GRHL1: variants seen among roughly 807,000 people sequenced by gnomAD.
GRHL1 encodes the protein grainyhead like transcription factor 1.
GRHL1 carries 38 observed loss-of-function variants against 75.7 expected under a neutral mutation model. The observed-to-expected ratio is 0.50, with a 90% CI of 0.39 to 0.66. The LOEUF is 0.66. Ranked by LOEUF, GRHL1 falls within the 30% of genes least tolerant of loss-of-function variation. The probability of loss-of-function intolerance (pLI) is 0.00; values close to 1 mark genes in which losing one functional copy is unlikely to be tolerated. For synonymous variants in GRHL1, 266 were observed against 279.4 expected (o/e 0.95, Z 0.48); for missense variants, 589 against 767.5 (o/e 0.77, Z 2.75).
chr2:9,957,251 A>C (rs1214436719), intron 2 of GRHL1, among the ~76,000 whole-genome samples: 6 of 151,874 alleles, frequency 4.0e-5, no homozygotes. Context: ...TTAGCCTCCC[A>C]AAGTATTAGG....
rs752155021 is a variant in GRHL1, at chr2:9,986,264, C to T, written c.1251C>T (p.Ile417=). ...CTGTGCACCGGGCCTACTGCCAGAT[C>T]AAGGTCTTCTGTGACAAGGTAAGAT... ...NKPVHRAYCQ[I]KVFCDKGAER... is the part of the protein sequence containing the mutation. The change falls in exon 9 of 16, where the codon ATC becomes ATT. Residue 417 remains isoleucine, a synonymous_variant. Transcript: ENST00000324907. 6.2e-7 allele frequency: 1 copy of T among 1,613,436 alleles called. No homozygotes were observed. The highest frequency in any genetic ancestry group is 1.1e-5 in the South Asian group (1 of 91,002).
At chr2:9,960,469 G>A in intron 3 of GRHL1, 1 of 151,658 alleles carries the variant, frequency 6.6e-6, no homozygotes, top group East Asian at 1.9e-4. Flanking sequence ...AAAAAAAAAA[G>A]GAGAAAGCCA....
chr2:9,961,317 G>T lies in GRHL1; in HGVS notation c.550G>T (p.Val184Leu). Residue 184 changes from valine to leucine, a missense_variant, in exon 4 of 16, where the codon GTG (valine) becomes TTG (leucine). Val to Leu is a conservative substitution (Grantham distance 32, BLOSUM62 1). Around this residue, in one of 5 missense-constraint regions of GRHL1, gnomAD observed 362 missense variants for 461.8 expected, o/e 0.78. Transcript: ENST00000324907. ...VYHPEPTERV[V>L]VFDRNLNTDQ... is the part of the protein sequence containing the mutation. ...TCATCCTGAGCCCACTGAGCGGGTG[G>T]TGGTTTTCGATCGGAATCTCAATAC... The T allele has an allele frequency of 6.2e-7, 1 of 1,614,210 alleles. No homozygotes were observed. Among genetic ancestry groups the T allele is most frequent in the East Asian group, 2.2e-5 (1 of 44,878 alleles).
Position 9,951,826 on chromosome 2 carries a change from C to A in GRHL1, c.-8C>A. On this transcript the variant is annotated 5_prime_UTR_variant, in exon 1 of 16. Transcript: ENST00000324907. This position sits in a 1 kb window ranked among gnomAD's most constrained non-coding sequence, Gnocchi z 4.2. The stretch of plus-strand genomic sequence containing the variant: ...AGTTCTGCGGCCCGGCAGCGGCGAG[C>A]GGGCGCGATGACACAGGAGTACGAC... The A allele has an allele frequency of 6.6e-7, 1 of 1,525,342 alleles. No homozygotes were observed. The highest frequency in any genetic ancestry group is 8.8e-7 in the Non-Finnish European group (1 of 1,134,738). 94.5% of individuals were successfully genotyped at this position (1,525,342 alleles called of 1,614,324 possible).
At chr2:9,962,855 T>G (rs1368449691) in intron 5 of GRHL1, among the ~76,000 whole-genome samples, 1 of 152,096 alleles carries the variant, frequency 6.6e-6, no homozygotes, top group Non-Finnish European at 1.5e-5. Flanking sequence ...TTGCCAAATA[T>G]ATATAATTAG....
At chr2:10,000,504 A>G in intron 15 of GRHL1, 89 bp from the exon 16 acceptor site, 1 of 695,204 alleles carries the variant, frequency 1.4e-6, no homozygotes, top group Non-Finnish European at 2.6e-6. Context: ...TGCTGCAACT[A>G]GTAAGTGGGA....
chr2:9,998,671 C>CACAT (rs1553307107), intron 14 of GRHL1, among the ~76,000 whole-genome samples: 1 of 58,924 alleles, frequency 1.7e-5, no homozygotes, highest in East Asian at 4.0e-4. Context: ...TATATGTACA[C>CACAT]ATATATATAC....
intron 8 of GRHL1, among the ~76,000 whole-genome samples, chr2:9,975,757 G>C (rs767957280): frequency 6.6e-6 from 1 of 151,792 alleles, no homozygotes; most frequent in Non-Finnish European, 1.5e-5. Context: ...GTGGTGATGC[G>C]TGCCTGTAAT....
At chr2:9,986,772 T>C (rs1668436374) in intron 9 of GRHL1, among the ~76,000 whole-genome samples, 1 of 152,096 alleles carries the variant, frequency 6.6e-6, no homozygotes, top group Non-Finnish European at 1.5e-5. Context: ...AGTGGTGCAA[T>C]CACTGCTCAC....
In GRHL1 at chr2:9,963,998, G is replaced by A. The variant is rs757358139; in HGVS notation, c.859G>A (p.Val287Met). 22 of 1,613,862 alleles carry A rather than the reference G, an allele frequency of 1.4e-5. No homozygotes were observed. The highest frequency in any genetic ancestry group is 1.9e-5 in the Non-Finnish European group (22 of 1,179,810). The change falls in exon 6 of 16, where the codon GTG becomes ATG. Residue 287 changes from valine to methionine, a missense_variant. Coordinates refer to ENST00000324907, the MANE Select transcript of GRHL1 (RefSeq NM_198182.3). ...GTTCTATCCCATCACCTTGAAGGAG[G>A]TGAGCAGCAGTGAAGGAATCCATCA... ...GQFYPITLKE[V>M]SSSEGIHHPI...
chr2:9,994,999 C>T (rs1245684264), intron 12 of GRHL1, among the ~76,000 whole-genome samples: 1 of 152,146 alleles, frequency 6.6e-6, no homozygotes, highest in African/African-American at 2.4e-5. Flanking sequence ...CTTGACCACA[C>T]ACTTTGGGTA....
intron 8 of GRHL1, among the ~76,000 whole-genome samples, chr2:9,970,701 A>G (rs564788185): frequency 6.6e-6 from 1 of 152,282 alleles, no homozygotes; most frequent in South Asian, 2.1e-4. Context: ...ACAAAATCAG[A>G]GCGCCTTGTT....
At chr2:9,960,455 T>TA (rs35454772) in intron 3 of GRHL1, 150 of 137,702 alleles carry the variant, frequency 1.1e-3, no homozygotes, top group African/African-American at 2.6e-3. Context: ...AATAAAAAAT[T>TA]AAAAAAAAAA....
chr2:9,987,302 T>C lies in GRHL1; in HGVS notation c.1269+1020T>C, dbSNP rs1369066419. Among the ~76,000 whole-genome samples the C allele has an allele frequency of 6.6e-6, 1 of 152,252 alleles. No individual in the cohort carries two copies. The highest frequency in any genetic ancestry group is 1.5e-5 in the Non-Finnish European group (1 of 68,052). On this transcript the variant is annotated intron_variant, in intron 9 of 15. Coordinates refer to ENST00000324907, the MANE Select transcript of GRHL1 (RefSeq NM_198182.3). The surrounding 1 kb of genome is among the most constrained non-coding windows in gnomAD (Gnocchi z 4.2). The stretch of plus-strand genomic sequence containing the variant: ...ATAGCTTTTAATTATTGTTTTGGCC[T>C]TGCAAAGACACATTATGTAGAGATT...
At position 9,958,835 on chromosome 2, in the gene GRHL1, C is replaced by T. The variant is rs1667149960; in HGVS notation, c.257C>T (p.Pro86Leu). The T allele has an allele frequency of 6.2e-7, 1 of 1,613,752 alleles. No individual in the cohort carries two copies. Among genetic ancestry groups the T allele is most frequent in the South Asian group, 1.1e-5 (1 of 91,066 alleles). ...SSTAKPEVEH[P>L]EPDHSKRNSI... ...ACAGCAAAGCCAGAGGTGGAGCACC[C>T]TGAGCCAGATCACAGCAAAAGGTAA... The change falls in exon 3 of 16, where the codon CCT becomes CTT. Residue 86 changes from proline (P) to leucine (L), a missense_variant. Coordinates refer to ENST00000324907, the MANE Select transcript of GRHL1 (RefSeq NM_198182.3).
At chr2:9,974,187 G>T (rs1667850111) in intron 8 of GRHL1, among the ~76,000 whole-genome samples, 1 of 152,198 alleles carries the variant, frequency 6.6e-6, no homozygotes, top group African/African-American at 2.4e-5. Flanking sequence ...GTTTAACTGT[G>T]TGTCTTTTGC....
At chr2:9,976,511 T>C (rs1356119436) in intron 8 of GRHL1, among the ~76,000 whole-genome samples, 1 of 152,024 alleles carries the variant, frequency 6.6e-6, no homozygotes, top group African/African-American at 2.4e-5. Context: ...TGAGGCTGTG[T>C]AATGTTGTGA....
intron 1 of GRHL1, among the ~76,000 whole-genome samples, chr2:9,954,397 A>G (rs73913932): frequency 0.1 from 15,488 of 152,196 alleles, 1,038 homozygotes; most frequent in African/African-American, 0.19. Context: ...GATTGCGTGA[A>G]GGATCCCTTT....
At chr2:9,996,202 A>G in intron 13 of GRHL1, 114 bp from the exon 14 acceptor site, 1 of 784,652 alleles carries the variant, frequency 1.3e-6, no homozygotes, top group Non-Finnish European at 2.2e-6. Flanking sequence ...CTTGATGTGA[A>G]TGTGGTTTTT....
Sources: allele counts gnomAD v4.1 joint callset (sites outside exome capture counted in the v4.1 genomes callset), GRCh38; gene constraint gnomAD v4.1.1; regional missense constraint gnomAD v4.1.1; non-coding constraint Gnocchi (gnomAD v3.1); transcripts MANE v1.5; gene names NCBI Gene and HGNC (gene_info 2026-07-23, HGNC 2026-07-21).